Variants in MAP3K7 observed in about 807,000 individuals in gnomAD.
The protein encoded by MAP3K7 is TGF-beta activated kinase 1.
In MAP3K7, 21 loss-of-function variants were observed where a neutral mutation model predicts 84.8. The ratio of observed to expected loss-of-function variants is 0.25; its 90% CI spans 0.18 to 0.36. The LOEUF is 0.36. MAP3K7 is among the 10% of genes least tolerant of loss of function. The pLI, the probability that MAP3K7 is intolerant of heterozygous loss-of-function variation, is 1.00. For missense variants in MAP3K7, 503 were observed against 747.7 expected (o/e 0.67, Z 3.82); for synonymous variants, 241 against 247.7 (o/e 0.97, Z 0.25).
intron 13 of MAP3K7, among the ~76,000 whole-genome samples, chr6:90,525,424 AG>A (rs1775290677): frequency 6.6e-6 from 1 of 152,182 alleles, no homozygotes; most frequent in Non-Finnish European, 1.5e-5. Context: ...CCTGGCCCCA[AG>A]TGACCCTCTT....
chr6:90,552,822 C>T (rs772044279), intron 7 of MAP3K7, among the ~76,000 whole-genome samples: 25 of 152,140 alleles, frequency 1.6e-4, no homozygotes, highest in Non-Finnish European at 2.9e-4. Flanking sequence ...ACATTGAGTC[C>T]ATAAGTCAAT....
Position 90,552,141 on chromosome 6 carries a change from T to C in MAP3K7, c.775A>G (p.Ile259Val), listed in dbSNP as rs149444442. Residue 259 changes from isoleucine to valine, a missense_variant, in exon 8 of 17, where the codon ATT becomes GTT. Coordinates refer to ENST00000369329, the MANE Select transcript of MAP3K7 (RefSeq NM_145331.3). ...CAACAACGAGTCATCAGGCTCTCAA[T>C]GGGCTTAGGTAAATTTTTTATCAGT... is the stretch of plus-strand genomic sequence containing the variant. ...PPLIKNLPKP[I>V]ESLMTRCWSK... The C allele has an allele frequency of 3.2e-4, 509 of 1,611,926 alleles. No individual in the cohort carries two copies. Among genetic ancestry groups the C allele is most frequent in the Non-Finnish European group, 4.1e-4 (485 of 1,178,364 alleles).
chr6:90,556,063 G>A lies in MAP3K7; in HGVS notation c.607+437C>T, dbSNP rs146807247. ...AAAAGGACACCTGCTTACAGCATGA[G>A]AGCTGAAACAAGACGGAAAAACGTT... is the stretch of plus-strand genomic sequence containing the variant. On this transcript the variant is annotated intron_variant, in intron 6 of 16. Transcript: ENST00000369329. 1.6e-3 allele frequency among the ~76,000 whole-genome samples: 250 copies of A among 152,350 alleles called. 1 individual carries two copies. Among genetic ancestry groups the A allele is most frequent in the African/African-American group, 5.8e-3 (242 of 41,578 alleles).
intron 14 of MAP3K7, among the ~76,000 whole-genome samples, chr6:90,523,395 A>G (rs1389072591): frequency 1.3e-5 from 2 of 152,116 alleles, no homozygotes; most frequent in Non-Finnish European, 2.9e-5. Context: ...AGGCTGAAGT[A>G]TCAAGAATTC....
chr6:90,549,145 C>T (rs987554631), intron 9 of MAP3K7, among the ~76,000 whole-genome samples: 7 of 152,052 alleles, frequency 4.6e-5, no homozygotes, highest in African/African-American at 1.7e-4. Context: ...AAAGGTACAC[C>T]TTTGGCCAGA....
chr6:90,574,675 C>T (rs1777013960), intron 1 of MAP3K7, among the ~76,000 whole-genome samples: 1 of 152,154 alleles, frequency 6.6e-6, no homozygotes. Flanking sequence ...GGATTCCAAA[C>T]ATTATCTATA....
chr6:90,516,695 C>T lies in MAP3K7; in HGVS notation c.1641-14G>A. 1 of 1,583,216 alleles carries T rather than the reference C, an allele frequency of 6.3e-7. No homozygotes were observed. The highest frequency in any genetic ancestry group is 8.6e-7 in the Non-Finnish European group (1 of 1,168,688). Reference sequence around the variant, plus strand: ...ACTAGTTCTTGCCTACAAACAAATACCACATAATATTACACATGATGGAAA... The same window carrying T: ...ACTAGTTCTTGCCTACAAACAAATATCACATAATATTACACATGATGGAAA... On this transcript the variant is annotated splice_polypyrimidine_tract_variant and intron_variant, in intron 16 of 16. Transcript: ENST00000369329.
intron 5 of MAP3K7, 133 bp from the exon 6 acceptor site, chr6:90,556,757 C>CCAAG: frequency 7.0e-6 from 6 of 862,176 alleles, no homozygotes; most frequent in Non-Finnish European, 1.0e-5. Context: ...TGTGAAATGA[C>CCAAG]TAATTTACTT....
In MAP3K7 at chr6:90,516,504, T is replaced by G. The variant is rs1314291848; in HGVS notation, c.1818A>C (p.Ser606=). ...RSQQQKRQGT[S] is the part of the protein sequence containing the mutation. ...AAAATGTAACGGTCCCAGAGAATCA[T>G]GAAGTGCCTTGTCGTTTCTGCTGCT... Residue 606 remains serine, a synonymous_variant, in exon 17 of 17, where the codon TCA becomes TCC. Transcript: ENST00000369329. The G allele has an allele frequency of 1.8e-5, 29 of 1,609,998 alleles. No individual in the cohort carries two copies. Among genetic ancestry groups the G allele is most frequent in the Non-Finnish European group, 2.3e-5 (27 of 1,178,482 alleles).
At chr6:90,578,396 C>G (rs1777155746) in intron 1 of MAP3K7, among the ~76,000 whole-genome samples, 1 of 152,032 alleles carries the variant, frequency 6.6e-6, no homozygotes, top group Non-Finnish European at 1.5e-5. Flanking sequence ...CCTCAGCCAC[C>G]CCAAAGTAGC....
At chr6:90,561,551 C>T (rs1242194890) in intron 4 of MAP3K7, 71 bp downstream of exon 4, 11 of 1,167,588 alleles carry the variant, frequency 9.4e-6, no homozygotes, top group South Asian at 4.2e-5. Context: ...TGTTAAACAA[C>T]TTAGGGTTTA....
chr6:90,541,039 G>A (rs990815733), intron 12 of MAP3K7, among the ~76,000 whole-genome samples: 1 of 151,638 alleles, frequency 6.6e-6, no homozygotes, highest in Non-Finnish European at 1.5e-5. Context: ...GAAAATATGG[G>A]AAAAAGTAAA....
rs907074129 is a variant in MAP3K7, at chr6:90,519,236, C to T, written c.1524+22G>A. 1.5e-5 allele frequency: 24 copies of T among 1,554,604 alleles called. No individual in the cohort carries two copies. In the East Asian group the frequency reaches 2.1e-4, roughly 13 times the overall value. On this transcript the variant is annotated intron_variant, in intron 15 of 16. Transcript: ENST00000369329. ...CTCTAAGAAGAAAAAAGTCAACTTT[C>T]AATAAGAAAGTACTCCTTTACCTGT...
chr6:90,576,147 A>G (rs1002904216), intron 1 of MAP3K7, among the ~76,000 whole-genome samples: 1 of 152,104 alleles, frequency 6.6e-6, no homozygotes, highest in Non-Finnish European at 1.5e-5. Flanking sequence ...CGAATCTGAC[A>G]TTTGGATGAC....
intron 13 of MAP3K7, among the ~76,000 whole-genome samples, chr6:90,529,151 C>T (rs938907267): frequency 6.6e-6 from 1 of 152,182 alleles, no homozygotes; most frequent in African/African-American, 2.4e-5. Context: ...CTGAAATTCT[C>T]ACTCTGGCAT....
chr6:90,577,614 T>G (rs571426997), intron 1 of MAP3K7, among the ~76,000 whole-genome samples: 2 of 152,162 alleles, frequency 1.3e-5, no homozygotes, highest in African/African-American at 4.8e-5. Flanking sequence ...GCAGGCAAAC[T>G]AGGAGAGAGT....
At chr6:90,568,695 T>A in intron 2 of MAP3K7, 72 bp from the exon 3 acceptor site, 2 of 1,105,646 alleles carry the variant, frequency 1.8e-6, no homozygotes, top group Non-Finnish European at 1.3e-6. Context: ...ATCATTAAAA[T>A]CTTACTGTTG....
intron 11 of MAP3K7, 98 bp from the exon 12 acceptor site, chr6:90,544,730 A>C: frequency 1.0e-6 from 1 of 969,936 alleles, no homozygotes. Context: ...CAAATAGTTC[A>C]TGTTAATAAC....
At chr6:90,536,234 C>A in intron 13 of MAP3K7, 103 bp downstream of exon 13, 2 of 835,646 alleles carry the variant, frequency 2.4e-6, no homozygotes, top group Non-Finnish European at 3.9e-6. Context: ...TCTATCACAA[C>A]TTTAGGTCAA....
Sources: gnomAD v4.1 joint callset for allele counts (sites outside exome capture counted in the v4.1 genomes callset) on GRCh38, gnomAD v4.1.1 for gene constraint, MANE v1.5 for transcripts, NCBI Gene and HGNC (gene_info 2026-07-23, HGNC 2026-07-21) for gene names.